SCN1A: variants seen among roughly 807,000 people sequenced by gnomAD.
SCN1A encodes the protein sodium voltage-gated channel alpha subunit 1.
SCN1A carries 13 observed loss-of-function variants against 193.7 expected under a neutral mutation model. The observed-to-expected ratio is 0.07, with a 90% CI of 0.04 to 0.11. SCN1A has a LOEUF of 0.11. SCN1A is among the 10% of genes least tolerant of loss of function. The pLI, the probability that SCN1A is intolerant of heterozygous loss-of-function variation, is 1.00. For synonymous variants in SCN1A, 781 were observed against 843.6 expected (o/e 0.93, Z 1.29); for missense variants, 1,432 against 2,451.1 (o/e 0.58, Z 8.78).
Position 166,127,416 on chromosome 2 carries a change from C to T in SCN1A, c.-229+355G>A, listed in dbSNP as rs563271368. On this transcript the variant is annotated intron_variant, in intron 1 of 28. Transcript: ENST00000674923. ...CCAGCCAGCTAGTCCACTTCCAAAGCACCAGTGAAGGAGGGGGCTTCAACA... is the reference window on the plus strand; with the variant it reads ...CCAGCCAGCTAGTCCACTTCCAAAGTACCAGTGAAGGAGGGGGCTTCAACA... Among the ~76,000 whole-genome samples, 3 of 152,304 alleles carry T rather than the reference C, an allele frequency of 2.0e-5. No individual in the cohort carries two copies. In the East Asian group the frequency reaches 5.8e-4, roughly 29 times the overall value.
chr2:166,073,855 T>A (rs1684735131), intron 3 of SCN1A, among the ~76,000 whole-genome samples, 185 bp from the exon 4 acceptor site: 1 of 152,232 alleles, frequency 6.6e-6, no homozygotes, highest in South Asian at 2.1e-4. Context: ...AAGCATCACT[T>A]ATTTATTAAT....
At chr2:166,091,544 A>G (rs759232698) in intron 2 of SCN1A, among the ~76,000 whole-genome samples, 13 of 152,198 alleles carry the variant, frequency 8.5e-5, no homozygotes, top group Non-Finnish European at 1.3e-4. Context: ...GTTAAATAGC[A>G]TGGGTAAAGG....
intron 1 of SCN1A, among the ~76,000 whole-genome samples, chr2:166,134,941 A>G (rs1189099050): frequency 6.6e-6 from 1 of 152,190 alleles, no homozygotes; most frequent in Admixed American, 6.5e-5. Flanking sequence ...GGATAAAGAG[A>G]AAATAAACAT....
In SCN1A at chr2:166,064,121, T is replaced by G. The variant is rs981695997; in HGVS notation, c.265-5433A>C. On this transcript the variant is annotated intron_variant, in intron 4 of 28. Transcript: ENST00000674923. ...AACATTATGAAAATATAAGTATGAT[T>G]TGTTTTATCTTATGTTAAGGGTGCA... 2.1e-4 allele frequency among the ~76,000 whole-genome samples: 32 copies of G among 152,158 alleles called. 1 individual carries two copies. Among genetic ancestry groups the G allele is most frequent in the Admixed American group, 6.6e-4 (10 of 15,264 alleles).
intron 2 of SCN1A, among the ~76,000 whole-genome samples, chr2:166,097,269 G>A (rs897242231): frequency 4.0e-5 from 6 of 151,718 alleles, no homozygotes; most frequent in African/African-American, 7.3e-5. Flanking sequence ...CAATCTGCCC[G>A]CCTTGGCCTT....
Position 166,041,401 on chromosome 2 carries a change from C to T in SCN1A, c.2245G>A (p.Asp749Asn), listed in dbSNP as rs1697156587. Residue 749 changes from aspartate to asparagine, a missense_variant, in exon 16 of 29, where the codon GAC becomes AAC. By Grantham distance (23) the Asp-to-Asn change is conservative. This residue lies in a region of SCN1A where 316 missense variants were observed against 362.1 expected (regional missense o/e 0.87). Transcript: ENST00000674923. ...ACTTTTAACCAATATGGAGAACAGT[C>T]CCAGATTAAGAATATGTTGGAAAAT... ...YKFSNIFLIW[D>N]CSPYWLKVKH... 1 of 1,613,236 alleles carries T rather than the reference C, an allele frequency of 6.2e-7. No individual in the cohort carries two copies.
intron 25 of SCN1A, 121 bp from the exon 26 acceptor site, chr2:165,998,296 T>C: frequency 1.2e-5 from 10 of 808,082 alleles, no homozygotes; most frequent in South Asian, 1.9e-5. Context: ...TTTTTTTTTT[T>C]TCTGAATCAA....
intron 2 of SCN1A, among the ~76,000 whole-genome samples, chr2:166,115,428 C>T (rs542501): frequency 0.99 from 150,574 of 152,320 alleles, 74,458 homozygotes; most frequent in Middle Eastern, 1. Context: ...TTCTCAGACA[C>T]TGAATAAGTA....
intron 4 of SCN1A, chr2:166,071,885 G>A (rs1477128534): frequency 6.7e-6 from 1 of 149,856 alleles, no homozygotes; most frequent in Admixed American, 6.6e-5. Context: ...GCGAGACTGC[G>A]TCTCAAAAAG....
In SCN1A at chr2:166,128,017, T is replaced by C. The variant is rs553051719; in HGVS notation, c.-475A>G. On this transcript the variant is annotated 5_prime_UTR_variant, in exon 1 of 29. Coordinates refer to ENST00000674923, the MANE Select transcript of SCN1A (RefSeq NM_001165963.4). ...TCGGCTTCATCCTCGCCTCACTCTATGGTACCTAATACAAATCAGCAAATA... is the reference window on the plus strand; with the variant it reads ...TCGGCTTCATCCTCGCCTCACTCTACGGTACCTAATACAAATCAGCAAATA... 1 of 143,432 alleles carries C rather than the reference T, an allele frequency of 7.0e-6. No individual in the cohort carries two copies. Among genetic ancestry groups the C allele is most frequent in the East Asian group, 2.1e-4 (1 of 4,850 alleles). The allele number at this position is 143,432 out of a possible 1,614,324, so 8.9% of individuals were successfully genotyped here.
chr2:166,117,269 A>C (rs929949689), intron 2 of SCN1A, among the ~76,000 whole-genome samples: 4 of 152,238 alleles, frequency 2.6e-5, no homozygotes, highest in Admixed American at 6.5e-5. Context: ...GCTTTACCTT[A>C]AGACAACCAG....
chr2:166,120,654 G>A (rs989653923), intron 2 of SCN1A, among the ~76,000 whole-genome samples: 15 of 117,652 alleles, frequency 1.3e-4, no homozygotes, highest in African/African-American at 4.8e-4. Flanking sequence ...TCATCCAGAC[G>A]CCAGGCCGGA....
rs1191220488 is a variant in SCN1A, at chr2:166,041,408, T to A, written c.2238A>T (p.Leu746Phe). 6.2e-7 allele frequency: 1 copy of A among 1,612,212 alleles called. No homozygotes were observed. Residue 746 changes from leucine to phenylalanine, a missense_variant, in exon 16 of 29, where the codon TTA (leucine) becomes TTT (phenylalanine). Coordinates refer to ENST00000674923, the MANE Select transcript of SCN1A (RefSeq NM_001165963.4). ...ACCAATATGGAGAACAGTCCCAGAT[T>A]AAGAATATGTTGGAAAATTTATACC... The part of the protein sequence containing the change: ...PCWYKFSNIF[L>F]IWDCSPYWLK...
chr2:166,138,834 C>T (rs191991065), intron 1 of SCN1A, among the ~76,000 whole-genome samples: 1 of 152,260 alleles, frequency 6.6e-6, no homozygotes. Flanking sequence ...ACACTTAATG[C>T]CAGCCTGTGA....
At position 166,134,134 on chromosome 2, in the gene SCN1A, G is replaced by A. The variant is rs189137749; in HGVS notation, c.-50+14913C>T. ...CATAAATCATTACCATTGCTTTATC[G>A]ATAGGGTTTTGCTAATCATTGAGAA... On this transcript the variant is annotated intron_variant, in intron 1 of 26. Transcript: ENST00000635750. Among the ~76,000 whole-genome samples, 286 of 152,206 alleles carry A rather than the reference G, an allele frequency of 1.9e-3. 1 individual carries two copies. Among genetic ancestry groups the A allele is most frequent in the African/African-American group, 6.8e-3 (283 of 41,538 alleles).
rs758963153 is a variant in SCN1A at position 166,073,535 on chromosome 2, A to G, written c.87T>C (p.Ile29=). 2.5e-6 allele frequency: 4 copies of G among 1,614,016 alleles called. No homozygotes were observed. The highest frequency in any genetic ancestry group is 1.3e-5 in the African/African-American group (1 of 74,894). The change falls in exon 4 of 29, where the codon ATT becomes ATC. Residue 29 remains isoleucine, a synonymous_variant. Coordinates refer to ENST00000674923, the MANE Select transcript of SCN1A (RefSeq NM_001165963.4). Reference sequence around the variant, plus strand: ...TGGGATTCTTTGCCTTTTCTTCTGCAATGCGTCTTTCAATAGCCGCAAGAG... The same window carrying G: ...TGGGATTCTTTGCCTTTTCTTCTGCGATGCGTCTTTCAATAGCCGCAAGAG... The part of the protein sequence containing the change: ...RESLAAIERR[I]AEEKAKNPKP...
rs1291689270 is a variant in SCN1A at position 166,002,921 on chromosome 2, T to TC, written c.4003-169dup. The TC allele has an allele frequency of 9.1e-6, 5 of 548,642 alleles. No homozygotes were observed. The African/African-American group carries it at 9.6e-5, about 11-fold the overall frequency. The allele number at this position is 548,642 out of a possible 1,614,324, so 34.0% of individuals were successfully genotyped here. A position where few individuals can be genotyped will look rare whatever the true frequency, so the allele number is the denominator to read the frequency against. ...AAAAATCTTAAAATTCATTTTTTTT[T>TC]CTTAAGCAATACACTTAGGAAAACA... is the stretch of plus-strand genomic sequence containing the variant. On this transcript the variant is annotated intron_variant, in intron 23 of 28. Transcript: ENST00000674923.
intron 3 of SCN1A, among the ~76,000 whole-genome samples, chr2:166,074,552 T>C (rs996409284): frequency 1.3e-5 from 2 of 152,184 alleles, no homozygotes; most frequent in Non-Finnish European, 2.9e-5. Flanking sequence ...TATGAAGGCC[T>C]GAGGCAAAAC....
At chr2:165,993,318 A>G (rs560100787) in intron 28 of SCN1A, 1 of 152,152 alleles carries the variant, frequency 6.6e-6, no homozygotes, top group South Asian at 2.1e-4. Flanking sequence ...GCTATATACA[A>G]TGAGCTGGAT....
Sources: gnomAD v4.1 joint callset for allele counts (sites outside exome capture counted in the v4.1 genomes callset) on GRCh38, gnomAD v4.1.1 for gene constraint, gnomAD v4.1.1 regional missense constraint, MANE v1.5 for transcripts, NCBI Gene and HGNC (gene_info 2026-07-23, HGNC 2026-07-21) for gene names.